The following SARAF variants were observed in gnomAD, a reference collection of about 807,000 sequenced individuals.
SARAF encodes store-operated calcium entry associated regulatory factor, also known as store-operated calcium entry-associated regulatory factor.
Under a neutral mutation model 39.7 loss-of-function variants are expected in SARAF, and 23 were observed. That is an observed-to-expected ratio of 0.58 (90% CI 0.42 to 0.82). The LOEUF is 0.82. Ranked by LOEUF, SARAF falls within the 40% of genes least tolerant of loss-of-function variation. The pLI, the probability that SARAF is intolerant of heterozygous loss-of-function variation, is 0.00. For synonymous variants in SARAF, 175 were observed against 168.5 expected (o/e 1.04, Z -0.30); for missense variants, 384 against 418.5 (o/e 0.92, Z 0.72).
At chr8:30,078,766 G>C (rs756764385) in intron 1 of SARAF, among the ~76,000 whole-genome samples, 2 of 152,092 alleles carry the variant, frequency 1.3e-5, no homozygotes, top group Non-Finnish European at 2.9e-5. Context: ...GAACCCAATA[G>C]GGTTTTTTGG....
chr8:30,080,288 C>T (rs1248016780), intron 1 of SARAF, among the ~76,000 whole-genome samples: 1 of 152,166 alleles, frequency 6.6e-6, no homozygotes, highest in Non-Finnish European at 1.5e-5. Context: ...CCCTGCTTCC[C>T]TCCTACCCTC....
chr8:30,076,855 C>G (rs1389225876), intron 1 of SARAF, among the ~76,000 whole-genome samples: 1 of 152,124 alleles, frequency 6.6e-6, no homozygotes, highest in African/African-American at 2.4e-5. Flanking sequence ...TTCTCAGCCT[C>G]CAGAACTGTG....
In SARAF at chr8:30,082,862, C is replaced by A. The variant is rs867986101; in HGVS notation, c.88G>T (p.Gly30Cys). The change falls in exon 1 of 6, where the codon GGC becomes TGC. Residue 30 changes from glycine (G) to cysteine (C), a missense_variant. Coordinates refer to ENST00000256255, the MANE Select transcript of SARAF (RefSeq NM_016127.6). ...LFLLTAGPAL[G>C]WNDPDRMLLR... ...CAGCACTCACCAGGGTCGTTCCAGC[C>A]CAGGGCAGGGCCCGCGGTCAGCAGA... The A allele has an allele frequency of 6.4e-7, 1 of 1,554,070 alleles. No individual in the cohort carries two copies. Among genetic ancestry groups the A allele is most frequent in the Non-Finnish European group, 8.7e-7 (1 of 1,151,346 alleles).
rs914958260 is a variant in SARAF at position 30,070,013 on chromosome 8, G to A, written c.329C>T (p.Thr110Ile). The A allele has an allele frequency of 6.2e-7, 1 of 1,612,270 alleles. No individual in the cohort carries two copies. The highest frequency in any genetic ancestry group is 8.5e-7 in the Non-Finnish European group (1 of 1,179,614). ...CTCATAGCCTTCACAGCTCACCACA[G>A]TTTTTCCAAATTTGTATGCAATATC... is the stretch of plus-strand genomic sequence containing the variant. ...DLDIAYKFGK[T>I]VVSCEGYESS... Residue 110 changes from threonine (T) to isoleucine (I), a missense_variant, in exon 3 of 6, where the codon ACT (threonine) becomes ATT (isoleucine). Physicochemically the swap from Thr to Ile is moderately conservative, Grantham distance 89. Transcript: ENST00000256255.
chr8:30,073,093 G>T (rs1317230691), intron 2 of SARAF, among the ~76,000 whole-genome samples: 1 of 152,114 alleles, frequency 6.6e-6, no homozygotes, highest in Non-Finnish European at 1.5e-5. Context: ...ATATTGTGAA[G>T]TAAGTATCAC....
Position 30,074,059 on chromosome 8 carries a change from A to T in SARAF, c.104-4T>A. ...ACATCCCGCAGCAACATTCTGTCTG[A>T]AACAGCAAGAAAACAGAGGAACACA... On this transcript the variant is annotated splice_polypyrimidine_tract_variant and splice_region_variant and intron_variant, in intron 1 of 5. Transcript: ENST00000256255. The T allele has an allele frequency of 1.2e-6, 2 of 1,610,478 alleles. No individual in the cohort carries two copies. The highest frequency in any genetic ancestry group is 1.7e-6 in the Non-Finnish European group (2 of 1,177,468).
In SARAF at chr8:30,069,925, T is replaced by C. The variant is rs777566513; in HGVS notation, c.417A>G (p.Thr139=). The C allele has an allele frequency of 1.5e-5, 24 of 1,613,988 alleles. 1 individual carries two copies. In the Middle Eastern group the frequency reaches 6.6e-4, roughly 44 times the overall value. ...SCGLEYNLDY[T]ELGLQKLKES... ...CCTTCAGTTTCTGCAGGCCAAGTTC[T>C]GTATAATCTAAATTATACTCCAAGC... Residue 139 remains threonine, a synonymous_variant, in exon 3 of 6, where the codon ACA becomes ACG. Coordinates refer to ENST00000256255, the MANE Select transcript of SARAF (RefSeq NM_016127.6).
chr8:30,081,725 GTTTTCAT>G (rs1457647814), intron 1 of SARAF, among the ~76,000 whole-genome samples: 5 of 63,718 alleles, frequency 7.8e-5, no homozygotes, highest in Non-Finnish European at 1.5e-4. Context: ...AAATGATGTT[GTTTTCAT>G]TTTTTTTTTT....
chr8:30,063,962 A>C, intron 5 of SARAF, 49 bp from the exon 6 acceptor site: 1 of 1,437,396 alleles, frequency 7.0e-7, no homozygotes, highest in Non-Finnish European at 9.6e-7. Context: ...AATGCATTAG[A>C]ATTGCTTATA....
chr8:30,064,733 T>A (rs1801645042), intron 5 of SARAF, among the ~76,000 whole-genome samples: 1 of 151,412 alleles, frequency 6.6e-6, no homozygotes, highest in Admixed American at 6.6e-5. Context: ...CAGCTAATTT[T>A]TGTATTTTTA....
intron 1 of SARAF, among the ~76,000 whole-genome samples, chr8:30,077,946 T>G (rs974474583): frequency 6.7e-6 from 1 of 150,018 alleles, no homozygotes; most frequent in African/African-American, 2.5e-5. Context: ...TCGAGACCAG[T>G]CTGGCAAATA....
chr8:30,076,832 C>T (rs1801978007), intron 1 of SARAF, among the ~76,000 whole-genome samples: 1 of 152,134 alleles, frequency 6.6e-6, no homozygotes, highest in South Asian at 2.1e-4. Context: ...ATGCTAGCAC[C>T]TTAATATTGA....
At chr8:30,082,411 G>A (rs1802125446) in intron 1 of SARAF, 1 of 158,244 alleles carries the variant, frequency 6.3e-6, no homozygotes, top group Non-Finnish European at 1.4e-5. Flanking sequence ...TCCGCTAAGG[G>A]TGACTCAGAG....
intron 1 of SARAF, among the ~76,000 whole-genome samples, chr8:30,079,877 C>A (rs1486510280): frequency 6.6e-6 from 1 of 152,136 alleles, no homozygotes; most frequent in East Asian, 1.9e-4. Context: ...GAACAAAATT[C>A]TAATACCCAC....
intron 1 of SARAF, among the ~76,000 whole-genome samples, chr8:30,077,235 C>T (rs1801988754): frequency 6.6e-6 from 1 of 151,982 alleles, no homozygotes; most frequent in East Asian, 1.9e-4. Flanking sequence ...GCAAGCAGAT[C>T]ACTTGAGCCC....
At chr8:30,067,606 G>A (rs1801720940) in intron 3 of SARAF, among the ~76,000 whole-genome samples, 1 of 152,088 alleles carries the variant, frequency 6.6e-6, no homozygotes, top group African/African-American at 2.4e-5. Context: ...TTTTAATTCT[G>A]TCCATTCATG....
intron 1 of SARAF, among the ~76,000 whole-genome samples, chr8:30,075,630 A>T (rs1246465461): frequency 2.0e-5 from 3 of 152,156 alleles, no homozygotes; most frequent in Non-Finnish European, 2.9e-5. Flanking sequence ...AGTATCCTCT[A>T]ATCAGCTTCC....
At position 30,070,040 on chromosome 8, in the gene SARAF, A is replaced by G; in HGVS notation, c.302T>C (p.Leu101Ser). ...TTTTCCAAATTTGTATGCAATATCT[A>G]AGTCCGTCTTACATTCCCACTGTGA... ...YDVQWECKTD[L>S]DIAYKFGKTV... is the part of the protein sequence containing the mutation. Residue 101 changes from leucine to serine, a missense_variant, in exon 3 of 6, where the codon TTA (leucine) becomes TCA (serine). By Grantham distance (145) the Leu-to-Ser change is moderately radical. Transcript: ENST00000256255. 1 of 1,608,856 alleles carries G rather than the reference A, an allele frequency of 6.2e-7. No homozygotes were observed.
chr8:30,068,890 T>C (rs1006593405), intron 3 of SARAF, among the ~76,000 whole-genome samples: 2 of 152,192 alleles, frequency 1.3e-5, no homozygotes, highest in Non-Finnish European at 2.9e-5. Context: ...AATTTACCCA[T>C]GTTTTCTTTT....
Sources: allele counts gnomAD v4.1 joint callset (sites outside exome capture counted in the v4.1 genomes callset), GRCh38; gene constraint gnomAD v4.1.1; transcripts MANE v1.5; gene names NCBI Gene and HGNC (gene_info 2026-07-23, HGNC 2026-07-21).